The following VOPP1 variants were observed in gnomAD, a reference collection of about 807,000 sequenced individuals.
VOPP1 encodes the protein VOPP1 WW domain binding protein, also known as WW domain binding protein VOPP1.
Under a neutral mutation model 23.5 loss-of-function variants are expected in VOPP1, and 8 were observed. The ratio of observed to expected loss-of-function variants is 0.34; its 90% CI spans 0.20 to 0.61. The LOEUF (loss-of-function observed/expected upper bound fraction) is 0.61, where lower values mean the gene tolerates loss of function less well. VOPP1 is among the 20% of genes least tolerant of loss of function. The pLI is 0.78. For synonymous variants in VOPP1, 83 were observed against 97.3 expected (o/e 0.85, Z 0.86); for missense variants, 174 against 238.1 (o/e 0.73, Z 1.77).
intron 1 of VOPP1, 127 bp from the exon 2 acceptor site, chr7:55,521,257 G>A (rs1057246765): frequency 1.1e-6 from 1 of 916,682 alleles, no homozygotes. Flanking sequence ...GGATATCGGG[G>A]CAGACAATGC....
At chr7:55,516,123 A>G in intron 2 of VOPP1, 1 of 538,420 alleles carries the variant, frequency 1.9e-6, no homozygotes, top group Middle Eastern at 9.6e-4. Context: ...TGTTACTAAG[A>G]GCAGACACCT....
intron 4 of VOPP1, among the ~76,000 whole-genome samples, chr7:55,452,645 C>T (rs1013058228): frequency 6.6e-6 from 1 of 152,202 alleles, no homozygotes; most frequent in African/African-American, 2.4e-5. Context: ...TGTTAGCAGG[C>T]ATGAAAACAA....
At chr7:55,497,556 G>GC in intron 3 of VOPP1, 57 bp downstream of exon 3, 1 of 21,884 alleles carries the variant, frequency 4.6e-5, no homozygotes, top group East Asian at 1.3e-3. Flanking sequence ...AACACTGATG[G>GC]GGGGGGGGGG....
chr7:55,454,942 C>G (rs1022026487), intron 4 of VOPP1, among the ~76,000 whole-genome samples: 5 of 152,186 alleles, frequency 3.3e-5, no homozygotes, highest in Non-Finnish European at 7.3e-5. Context: ...ATTGGAAGTT[C>G]TGGCCAAGGC....
intron 2 of VOPP1, among the ~76,000 whole-genome samples, chr7:55,501,266 C>G (rs144126044): frequency 6.6e-6 from 1 of 152,244 alleles, no homozygotes; most frequent in East Asian, 1.9e-4. Flanking sequence ...AGGACGGCGT[C>G]GATTTGTAGT....
chr7:55,548,944 C>G (rs572694304), intron 1 of VOPP1, among the ~76,000 whole-genome samples: 1 of 152,188 alleles, frequency 6.6e-6, no homozygotes, highest in Non-Finnish European at 1.5e-5. Flanking sequence ...TCATTTATAT[C>G]TAGGAAGAGC....
downstream of VOPP1, among the ~76,000 whole-genome samples, chr7:55,466,803 C>A (rs1791642489): frequency 6.6e-6 from 1 of 152,120 alleles, no homozygotes; most frequent in Admixed American, 6.5e-5. Flanking sequence ...CAACTATGAA[C>A]ATTTTAATTG....
chr7:55,444,721 T>TA (rs1791053609), intron 4 of VOPP1, among the ~76,000 whole-genome samples: 1 of 151,678 alleles, frequency 6.6e-6, no homozygotes, highest in Non-Finnish European at 1.5e-5. Flanking sequence ...AACTCTTTTT[T>TA]TTTTTTTAAA....
intron 1 of VOPP1, among the ~76,000 whole-genome samples, chr7:55,562,713 G>C (rs896828656): frequency 6.6e-6 from 1 of 152,168 alleles, no homozygotes; most frequent in African/African-American, 2.4e-5. Flanking sequence ...TTAAGCGTGA[G>C]GGGATGACTT....
intron 4 of VOPP1, among the ~76,000 whole-genome samples, chr7:55,460,696 G>A (rs1791477956): frequency 6.6e-6 from 1 of 152,120 alleles, no homozygotes; most frequent in South Asian, 2.1e-4. Context: ...ATATCCCCTT[G>A]CTGAATTGAT....
chr7:55,497,560 G>GCA, intron 3 of VOPP1, 53 bp downstream of exon 3: 2 of 1,191,944 alleles, frequency 1.7e-6, no homozygotes, highest in Middle Eastern at 2.4e-4. Context: ...CTGATGGGGG[G>GCA]GGGGGGGGGG....
At chr7:55,474,790 G>A (rs1050394209) in intron 4 of VOPP1, among the ~76,000 whole-genome samples, 1 of 152,252 alleles carries the variant, frequency 6.6e-6, no homozygotes, top group African/African-American at 2.4e-5. Context: ...GAAGGCTGCA[G>A]GAAGGAGCAG....
At chr7:55,550,434 T>C (rs143740203) in intron 1 of VOPP1, among the ~76,000 whole-genome samples, 1 of 152,206 alleles carries the variant, frequency 6.6e-6, no homozygotes, top group Non-Finnish European at 1.5e-5. Context: ...CTGGAGGGAA[T>C]ATAAATTTGG....
At chr7:55,534,983 AGAG>A (rs1796701524) in intron 1 of VOPP1, among the ~76,000 whole-genome samples, 1 of 152,232 alleles carries the variant, frequency 6.6e-6, no homozygotes. Flanking sequence ...TGATGGGAGA[AGAG>A]GAGAACAGGA....
At chr7:55,451,169 G>A (rs1791234157) in intron 4 of VOPP1, among the ~76,000 whole-genome samples, 1 of 152,156 alleles carries the variant, frequency 6.6e-6, no homozygotes, top group Non-Finnish European at 1.5e-5. Context: ...ACCATTTATA[G>A]GAGGGCACTG....
chr7:55,521,142 A>G lies in VOPP1; in HGVS notation c.55-12T>C, dbSNP rs768088778. On this transcript the variant is annotated splice_polypyrimidine_tract_variant and intron_variant, in intron 1 of 4. Coordinates refer to ENST00000285279, the MANE Select transcript of VOPP1 (RefSeq NM_030796.5). ...TTGGCTTCTGTGCACTGCAAATAGAAGCAAGAAAAAGTTTGTCAGTACTCA... is the reference window on the plus strand; with the variant it reads ...TTGGCTTCTGTGCACTGCAAATAGAGGCAAGAAAAAGTTTGTCAGTACTCA... 6.9e-5 allele frequency: 109 copies of G among 1,568,754 alleles called. No individual in the cohort carries two copies. Among genetic ancestry groups the G allele is most frequent in the Non-Finnish European group, 9.2e-5 (106 of 1,155,892 alleles).
chr7:55,510,407 G>T (rs150034738), intron 2 of VOPP1, among the ~76,000 whole-genome samples: 1,668 of 152,162 alleles, frequency 0.011, 11 homozygotes, highest in Middle Eastern at 0.02. Flanking sequence ...GTTTGTGGAG[G>T]CCTGGGGAGT....
chr7:55,535,700 TA>T (rs1327732488), intron 1 of VOPP1, among the ~76,000 whole-genome samples: 1 of 152,200 alleles, frequency 6.6e-6, no homozygotes, highest in Non-Finnish European at 1.5e-5. Context: ...GGGCTCTGAT[TA>T]AATTTAACTC....
intron 4 of VOPP1, among the ~76,000 whole-genome samples, chr7:55,438,028 G>A (rs1006459119): frequency 2.6e-5 from 4 of 151,716 alleles, no homozygotes; most frequent in Non-Finnish European, 4.4e-5. Flanking sequence ...CCAAGTAGCT[G>A]GGATTACAGA....
Sources: allele counts gnomAD v4.1 joint callset (sites outside exome capture counted in the v4.1 genomes callset), GRCh38; gene constraint gnomAD v4.1.1; transcripts MANE v1.5; gene names NCBI Gene and HGNC (gene_info 2026-07-23, HGNC 2026-07-21).